Variants in AGAP4 observed in about 807,000 individuals in gnomAD.
AGAP4 encodes the protein arf-GAP with GTPase, ANK repeat and PH domain-containing protein 4.
AGAP4 carries 13 observed loss-of-function variants against 60.7 expected under a neutral mutation model. The ratio of observed to expected loss-of-function variants is 0.21; its 90% confidence interval spans 0.14 to 0.34. The LOEUF (loss-of-function observed/expected upper bound fraction) is 0.34. Among genes scored for constraint, AGAP4 ranks in the 10% least tolerant of loss-of-function variants. The pLI is 1.00. For missense variants in AGAP4, 169 were observed against 884.0 expected, an observed-to-expected ratio of 0.19 and a Z score of 10.26; for synonymous variants, 70 against 339.0, an observed-to-expected ratio of 0.21 and a Z score of 8.72.
At chr10:45,838,414 T>C (rs1342504934) in intron 4 of AGAP4, among the ~76,000 whole-genome samples, 620 of 144,394 alleles carry the variant, frequency 4.3e-3, no homozygotes, top group African/African-American at 0.017. Flanking sequence ...TGTCACCAAA[T>C]GCCACCTGTT....
chr10:45,847,495 C>G lies in AGAP4; in HGVS notation c.-148G>C, dbSNP rs2059019546. The G allele has an allele frequency of 5.2e-6, 8 of 1,528,114 alleles. No individual in the cohort carries two copies. Among genetic ancestry groups the G allele is most frequent in the African/African-American group, 4.3e-5 (3 of 69,138 alleles). 94.7% of individuals were successfully genotyped at this position (1,528,114 alleles called of 1,614,324 possible). On this transcript the variant is annotated 5_prime_UTR_variant, in exon 1 of 8. Coordinates refer to ENST00000616763, the MANE Select transcript of AGAP4 (RefSeq NM_001276343.3). Reference sequence around the variant, plus strand: ...CCACCTCACAGCGCGGCCCCGGGCACCAGCCCTGGCCCTGGCCCTGGCCCC... The same window carrying G: ...CCACCTCACAGCGCGGCCCCGGGCAGCAGCCCTGGCCCTGGCCCTGGCCCC...
intron 4 of AGAP4, among the ~76,000 whole-genome samples, chr10:45,836,921 C>A (rs2058827606): frequency 6.7e-6 from 1 of 149,554 alleles, no homozygotes; most frequent in South Asian, 2.1e-4. Context: ...CTGGAATATG[C>A]AGTGTGGTGA....
intron 2 of AGAP4, 146 bp from the exon 3 acceptor site, chr10:45,844,540 G>C (rs2058970589): frequency 1.4e-6 from 2 of 1,424,536 alleles, no homozygotes; most frequent in Non-Finnish European, 1.9e-6. Flanking sequence ...ACATAAGAGA[G>C]AGCCAGGCAA....
At chr10:45,852,217 T>TTAAAAAAAAAAAAAA (rs2059092309), upstream of AGAP4, among the ~76,000 whole-genome samples, 2 of 91,714 alleles carry the variant, frequency 2.2e-5, no homozygotes, top group African/African-American at 1.1e-4. Flanking sequence ...GGCCAGACTT[T>TTAAAAAAAAAAAAAA]AAAAAAAAAA....
intron 2 of AGAP4, among the ~76,000 whole-genome samples, chr10:45,846,436 A>T (rs1464490262): frequency 6.6e-6 from 1 of 151,966 alleles, no homozygotes; most frequent in Non-Finnish European, 1.5e-5. Context: ...TTCTGATTTT[A>T]AATAAGAAAT....
intron 4 of AGAP4, among the ~76,000 whole-genome samples, chr10:45,841,148 G>T (rs1454634915): frequency 1.0e-5 from 1 of 96,934 alleles, no homozygotes; most frequent in African/African-American, 4.2e-5. Flanking sequence ...TGTCGTCCAG[G>T]CTGGAGTGCA....
upstream of AGAP4, chr10:45,854,639 A>C (rs1288056304): frequency 1.3e-5 from 1 of 74,648 alleles, no homozygotes; most frequent in African/African-American, 4.8e-5. Context: ...CTCTCAAAAA[A>C]AAAAAAAAAA....
At chr10:45,849,316 C>T (rs1293969998), upstream of AGAP4, among the ~76,000 whole-genome samples, 1 of 151,666 alleles carries the variant, frequency 6.6e-6, no homozygotes, top group African/African-American at 2.4e-5. Flanking sequence ...CCCCGTGATC[C>T]AATCACCTCC....
upstream of AGAP4, among the ~76,000 whole-genome samples, chr10:45,850,771 C>A (rs2059073586): frequency 6.6e-6 from 1 of 151,868 alleles, no homozygotes; most frequent in Non-Finnish European, 1.5e-5. Context: ...TGTAGCAGTG[C>A]CTTCCTCCTG....
intron 3 of AGAP4, among the ~76,000 whole-genome samples, chr10:45,843,171 C>A (rs1307618262): frequency 5.9e-5 from 7 of 118,438 alleles, no homozygotes; most frequent in Admixed American, 7.9e-5. Flanking sequence ...ATGGTGCCCA[C>A]CTATAGTCCC....
intron 4 of AGAP4, among the ~76,000 whole-genome samples, chr10:45,838,721 C>A (rs2058866730): frequency 6.6e-6 from 1 of 151,372 alleles, no homozygotes; most frequent in Non-Finnish European, 1.5e-5. Flanking sequence ...AAGGCGCATG[C>A]CACCAGGCCT....
rs1436790238 is a variant in AGAP4, at chr10:45,844,318, C to G, written c.361+8G>C. ...TTTCTCTTGGTGGAAAAAACAATGTCGTCTCACCATCTGTTTGAGAGTTCC... is the reference window on the plus strand; with the variant it reads ...TTTCTCTTGGTGGAAAAAACAATGTGGTCTCACCATCTGTTTGAGAGTTCC... On this transcript the variant is annotated splice_region_variant and intron_variant, in intron 3 of 7. Transcript: ENST00000616763. The G allele has an allele frequency of 2.1e-5, 34 of 1,593,866 alleles. 5 individuals carry two copies. In the African/African-American group the frequency reaches 3.9e-4, roughly 18 times the overall value.
chr10:45,846,142 C>A lies in AGAP4; in HGVS notation c.292+545G>T, dbSNP rs1462783409. Among the ~76,000 whole-genome samples the A allele has an allele frequency of 9.7e-4, 146 of 150,402 alleles. 2 individuals carry two copies. The highest frequency in any genetic ancestry group is 2.9e-3 in the African/African-American group (117 of 40,676). ...GAGGTAAATAAAGTCTGTTAAGTCA[C>A]CAGAATAAATCTGGAGACACATTTT... On this transcript the variant is annotated intron_variant, in intron 2 of 7. Coordinates refer to ENST00000616763, the MANE Select transcript of AGAP4 (RefSeq NM_001276343.3).
chr10:45,851,890 T>TAA (rs2059087842), upstream of AGAP4, among the ~76,000 whole-genome samples: 1 of 149,628 alleles, frequency 6.7e-6, no homozygotes, highest in Non-Finnish European at 1.5e-5. Flanking sequence ...GGAAAAGATC[T>TAA]TTTGATGACC....
intron 4 of AGAP4, among the ~76,000 whole-genome samples, chr10:45,835,021 C>T (rs1403295891): frequency 6.8e-6 from 1 of 146,318 alleles, no homozygotes; most frequent in Non-Finnish European, 1.5e-5. Context: ...GATCTGCCTG[C>T]CTCAGCCTCC....
intron 4 of AGAP4, among the ~76,000 whole-genome samples, chr10:45,836,914 G>A (rs1295027374): frequency 1.3e-5 from 2 of 149,926 alleles, no homozygotes; most frequent in East Asian, 2.0e-4. Context: ...GCCCAGGCTG[G>A]AATATGCAGT....
chr10:45,832,549 G>A (rs1405915924), intron 5 of AGAP4, among the ~76,000 whole-genome samples: 3 of 144,172 alleles, frequency 2.1e-5, no homozygotes, highest in Admixed American at 6.9e-5. Context: ...ATTTCAATCA[G>A]CAGCAAAGTT....
chr10:45,830,628 G>T (rs1186032543), intron 6 of AGAP4, among the ~76,000 whole-genome samples: 5 of 124,770 alleles, frequency 4.0e-5, no homozygotes, highest in Non-Finnish European at 5.2e-5. Context: ...TGGGACTACA[G>T]GTGCGTGCCA....
Position 45,834,124 on chromosome 10 carries a change from G to A in AGAP4, c.397-8C>T, listed in dbSNP as rs1442792712. 6.3e-7 allele frequency: 1 copy of A among 1,578,316 alleles called. No homozygotes were observed. The highest frequency in any genetic ancestry group is 8.6e-7 in the Non-Finnish European group (1 of 1,160,666). ...GAAACGCACAGTAGATACCTGAAGG[G>A]GAAGGGAAGTGTAAGTCAAACTTAT... On this transcript the variant is annotated splice_polypyrimidine_tract_variant and splice_region_variant and intron_variant, in intron 4 of 7. Transcript: ENST00000616763.
Sources: gnomAD v4.1 joint callset for allele counts (sites outside exome capture counted in the v4.1 genomes callset) on GRCh38, gnomAD v4.1.1 for gene constraint, MANE v1.5 for transcripts, NCBI Gene and HGNC (gene_info 2026-07-23, HGNC 2026-07-21) for gene names.